The following STPG2 variants were observed in gnomAD, a reference collection of about 807,000 sequenced individuals.
The protein encoded by STPG2 is sperm-tail PG-rich repeat-containing protein 2.
In STPG2, 56 loss-of-function variants were observed where a neutral mutation model predicts 54.2. That is an observed-to-expected ratio of 1.03 (90% confidence interval 0.83 to 1.29). The LOEUF (loss-of-function observed/expected upper bound fraction) is 1.29. Ranked by LOEUF, STPG2 falls within the 50% of genes most tolerant of loss-of-function variation. The pLI, the probability that STPG2 is intolerant of heterozygous loss-of-function variation, is 0.00. For synonymous variants in STPG2, 200 were observed against 181.8 expected (o/e 1.10, Z -0.81); for missense variants, 596 against 544.9 (o/e 1.09, Z -0.93).
chr4:98,063,676 A>ACTTTGTT (rs71588931), intron 5 of STPG2, among the ~76,000 whole-genome samples: 59,476 of 151,406 alleles, frequency 0.39, 11,862 homozygotes, highest in African/African-American at 0.45. Flanking sequence ...TAAATTCACC[A>ACTTTGTT]CTTTGAGGGA....
intron 4 of STPG2, among the ~76,000 whole-genome samples, chr4:97,478,891 G>A (rs979944080): frequency 6.7e-5 from 10 of 149,782 alleles, no homozygotes; most frequent in African/African-American, 2.5e-4. Flanking sequence ...GTGTGTGTGT[G>A]TGTGTGTGTG....
At chr4:97,924,363 C>T (rs1442300252) in intron 8 of STPG2, among the ~76,000 whole-genome samples, 1 of 152,222 alleles carries the variant, frequency 6.6e-6, no homozygotes, top group African/African-American at 2.4e-5. Context: ...TTTTCCTCTA[C>T]ACATGCTATA....
chr4:97,464,872 C>G (rs1481905862), intron 4 of STPG2, among the ~76,000 whole-genome samples: 2 of 152,104 alleles, frequency 1.3e-5, no homozygotes, highest in African/African-American at 4.8e-5. Context: ...TTATAGTACT[C>G]AACACATACA....
intron 4 of STPG2, among the ~76,000 whole-genome samples, chr4:97,457,809 T>C (rs769086464): frequency 9.9e-5 from 15 of 152,180 alleles, no homozygotes; most frequent in Non-Finnish European, 1.5e-4. Context: ...AGCATGAAAT[T>C]TTAAACTGCA....
intron 9 of STPG2, among the ~76,000 whole-genome samples, chr4:97,713,719 G>T (rs1724202854): frequency 6.6e-6 from 1 of 152,176 alleles, no homozygotes; most frequent in African/African-American, 2.4e-5. Context: ...CTCCTGCTGG[G>T]CAGTCTGATT....
At chr4:97,920,637 A>C (rs1732063917) in intron 8 of STPG2, among the ~76,000 whole-genome samples, 1 of 152,196 alleles carries the variant, frequency 6.6e-6, no homozygotes, top group Admixed American at 6.5e-5. Flanking sequence ...TATCCTTCAA[A>C]AATGAAGGGT....
At chr4:97,921,188 A>T (rs914987763) in intron 8 of STPG2, among the ~76,000 whole-genome samples, 3 of 152,074 alleles carry the variant, frequency 2.0e-5, no homozygotes, top group Admixed American at 6.6e-5. Flanking sequence ...TGAAGTGATC[A>T]CCTAACTTTG....
chr4:97,518,402 AG>A (rs1479111749), intron 4 of STPG2, among the ~76,000 whole-genome samples: 3 of 152,122 alleles, frequency 2.0e-5, no homozygotes, highest in Non-Finnish European at 4.4e-5. Flanking sequence ...GATACATTCA[AG>A]TATTCATTTT....
intron 10 of STPG2, among the ~76,000 whole-genome samples, chr4:97,630,777 T>C (rs550286901): frequency 8.6e-4 from 130 of 151,920 alleles, no homozygotes; most frequent in African/African-American, 3.0e-3. Flanking sequence ...AGGTGGCTTC[T>C]CATGTTTGTT....
At chr4:97,959,043 T>A (rs981590745) in intron 7 of STPG2, among the ~76,000 whole-genome samples, 1 of 151,990 alleles carries the variant, frequency 6.6e-6, no homozygotes, top group African/African-American at 2.4e-5. Flanking sequence ...CACAGTAGAA[T>A]AAAACACGAA....
chr4:97,773,338 C>A (rs541419454), intron 9 of STPG2, among the ~76,000 whole-genome samples: 66 of 151,890 alleles, frequency 4.3e-4, no homozygotes, highest in Admixed American at 2.0e-3. Flanking sequence ...ATTATTTTTA[C>A]AGACAGGGTC....
intron 8 of STPG2, 140 bp downstream of exon 8, chr4:97,943,757 T>C: frequency 1.8e-6 from 1 of 547,108 alleles, no homozygotes; most frequent in Non-Finnish European, 3.1e-6. Flanking sequence ...ACTTTAAAAA[T>C]ATAAAAGTAT....
At chr4:97,850,299 A>AAAT (rs1729111363) in intron 8 of STPG2, among the ~76,000 whole-genome samples, 1 of 106,896 alleles carries the variant, frequency 9.4e-6, no homozygotes, top group African/African-American at 3.4e-5. Flanking sequence ...GAGGGAAAGA[A>AAAT]AAATAAATAA....
intron 8 of STPG2, among the ~76,000 whole-genome samples, chr4:97,936,558 T>C (rs963156735): frequency 1.3e-5 from 2 of 152,188 alleles, no homozygotes; most frequent in African/African-American, 4.8e-5. Flanking sequence ...CAGGAGATCT[T>C]GCAAGGCAGG....
At chr4:97,724,730 T>C (rs1724563456) in intron 9 of STPG2, among the ~76,000 whole-genome samples, 1 of 152,164 alleles carries the variant, frequency 6.6e-6, no homozygotes, top group Admixed American at 6.5e-5. Context: ...GGTATTGATG[T>C]GAACCACCTA....
At chr4:97,589,345 C>A (rs902341445) in intron 10 of STPG2, among the ~76,000 whole-genome samples, 3 of 151,660 alleles carry the variant, frequency 2.0e-5, no homozygotes, top group Non-Finnish European at 4.4e-5. Flanking sequence ...TAGGGAATAG[C>A]CTACTTTTAT....
At chr4:97,893,712 C>A (rs1014754062) in intron 8 of STPG2, among the ~76,000 whole-genome samples, 5 of 151,982 alleles carry the variant, frequency 3.3e-5, no homozygotes, top group Admixed American at 2.6e-4. Context: ...AATTAAATTA[C>A]CTTTCATCGG....
intron 5 of STPG2, among the ~76,000 whole-genome samples, chr4:98,085,768 CT>C (rs1738485354): frequency 1.3e-5 from 2 of 151,762 alleles, no homozygotes; most frequent in Non-Finnish European, 2.9e-5. Context: ...GTTCCGGTAG[CT>C]TTTTTCTAAG....
intron 5 of STPG2, among the ~76,000 whole-genome samples, chr4:97,985,931 C>A (rs138128362): frequency 4.5e-4 from 67 of 148,800 alleles, no homozygotes; most frequent in Non-Finnish European, 4.4e-4. Flanking sequence ...CATGCGCAAG[C>A]GCACGTGAGC....
Sources: allele counts gnomAD v4.1 joint callset (sites outside exome capture counted in the v4.1 genomes callset), GRCh38; gene constraint gnomAD v4.1.1; transcripts MANE v1.5; gene names NCBI Gene and HGNC (gene_info 2026-07-23, HGNC 2026-07-21).